TMEM131: variants seen among roughly 807,000 people sequenced by gnomAD.
The protein encoded by TMEM131 is 2610524E03Rik.
In TMEM131, 66 loss-of-function variants were observed where a neutral mutation model predicts 211.6. The observed-to-expected ratio is 0.31, with a 90% CI of 0.26 to 0.38. The LOEUF is 0.38. TMEM131 is among the 10% of genes least tolerant of loss of function. The pLI is 1.00. For synonymous variants in TMEM131, 844 were observed against 841.3 expected (o/e 1.00, Z -0.06); for missense variants, 2,036 against 2,299.3 (o/e 0.89, Z 2.34).
chr2:97,980,666 C>G (rs1262045566), intron 1 of TMEM131, among the ~76,000 whole-genome samples: 1 of 152,040 alleles, frequency 6.6e-6, no homozygotes, highest in Non-Finnish European at 1.5e-5. Context: ...TGCAAACAAC[C>G]CAAAATTTCA....
intron 4 of TMEM131, among the ~76,000 whole-genome samples, chr2:97,862,990 A>G (rs1189862154): frequency 1.3e-5 from 2 of 152,174 alleles, no homozygotes; most frequent in Non-Finnish European, 2.9e-5. Context: ...TTAACAAGAG[A>G]AAAGAAACAG....
rs1682472815 is a variant in TMEM131 at position 97,827,808 on chromosome 2, T to C, written c.1074+5557A>G. Reference sequence around the variant, plus strand: ...ATTGAATTATGGGAGGCTCTGATTGTCTCGGGTGTCAGCTTAACATTCCAT... The same window carrying C: ...ATTGAATTATGGGAGGCTCTGATTGCCTCGGGTGTCAGCTTAACATTCCAT... On this transcript the variant is annotated intron_variant, in intron 11 of 40. Coordinates refer to ENST00000186436, the MANE Select transcript of TMEM131 (RefSeq NM_015348.2). Among the ~76,000 whole-genome samples the C allele has an allele frequency of 2.0e-5, 3 of 152,322 alleles. No individual in the cohort carries two copies. The South Asian group carries it at 6.2e-4, about 32-fold the overall frequency.
At chr2:97,914,939 ATAC>A (rs1424720599) in intron 2 of TMEM131, among the ~76,000 whole-genome samples, 1 of 152,260 alleles carries the variant, frequency 6.6e-6, no homozygotes, top group African/African-American at 2.4e-5. Context: ...GTTTAGATTT[ATAC>A]GAAACTGCCA....
intron 5 of TMEM131, among the ~76,000 whole-genome samples, chr2:97,856,200 T>A (rs529640042): frequency 6.6e-6 from 1 of 152,268 alleles, no homozygotes; most frequent in African/African-American, 2.4e-5. Flanking sequence ...ATATTGCATA[T>A]TTTATGGCCT....
chr2:97,793,993 C>CAAAAAAAAA (rs1169823016), intron 29 of TMEM131, among the ~76,000 whole-genome samples: 2 of 54,444 alleles, frequency 3.7e-5, no homozygotes, highest in Admixed American at 3.1e-4. Context: ...GACTCTGTCT[C>CAAAAAAAAA]AAAAAAAAAA....
At chr2:97,770,297 C>G (rs926495233) in intron 33 of TMEM131, among the ~76,000 whole-genome samples, 3 of 152,180 alleles carry the variant, frequency 2.0e-5, no homozygotes, top group Admixed American at 2.0e-4. Flanking sequence ...TGACTCAATA[C>G]TTTCATCCTC....
intron 4 of TMEM131, among the ~76,000 whole-genome samples, chr2:97,860,982 T>G (rs1229858486): frequency 6.6e-6 from 1 of 152,106 alleles, no homozygotes; most frequent in Non-Finnish European, 1.5e-5. Context: ...GTCTGTGCAC[T>G]TGGGAGAGGG....
intron 3 of TMEM131, among the ~76,000 whole-genome samples, chr2:97,901,193 C>G (rs1675838490): frequency 6.6e-6 from 1 of 152,098 alleles, no homozygotes; most frequent in African/African-American, 2.4e-5. Context: ...ATATATAGGA[C>G]AGTGGGTAAA....
chr2:97,928,672 T>G (rs1331884757), intron 1 of TMEM131, among the ~76,000 whole-genome samples: 2 of 151,774 alleles, frequency 1.3e-5, no homozygotes, highest in Admixed American at 1.3e-4. Flanking sequence ...ACGCAATGTA[T>G]TCTAGTTAAT....
rs756044013 is a variant in TMEM131, at chr2:97,802,572, T to G, written c.2542-35A>C. 3.1e-6 allele frequency: 5 copies of G among 1,600,898 alleles called. No homozygotes were observed. The South Asian group carries it at 4.5e-5, about 14-fold the overall frequency. On this transcript the variant is annotated intron_variant, in intron 23 of 40. Coordinates refer to ENST00000186436, the MANE Select transcript of TMEM131 (RefSeq NM_015348.2). ...AATAATGAAACATTAAATGAAAGAT[T>G]TCTATAGTTAAAGCTAAGAGTAAAT...
chr2:97,921,661 G>A (rs1254358979), intron 2 of TMEM131, among the ~76,000 whole-genome samples: 1 of 152,114 alleles, frequency 6.6e-6, no homozygotes, highest in Non-Finnish European at 1.5e-5. Flanking sequence ...TACGGCTCCA[G>A]GAAAGATCTT....
At chr2:97,804,030 CAG>C (rs1386116913) in intron 22 of TMEM131, among the ~76,000 whole-genome samples, 4 of 151,586 alleles carry the variant, frequency 2.6e-5, no homozygotes, top group Admixed American at 6.6e-5. Context: ...CTTTTCATAG[CAG>C]AGAGTTCAGA....
intron 11 of TMEM131, among the ~76,000 whole-genome samples, chr2:97,824,098 G>T (rs1682259931): frequency 6.6e-6 from 1 of 152,178 alleles, no homozygotes; most frequent in South Asian, 2.1e-4. Flanking sequence ...ACCTGGTAGG[G>T]CTTGTTATCA....
At chr2:97,933,450 G>A (rs1456130149) in intron 1 of TMEM131, among the ~76,000 whole-genome samples, 1 of 152,110 alleles carries the variant, frequency 6.6e-6, no homozygotes, top group Non-Finnish European at 1.5e-5. Flanking sequence ...GTAGATTAGA[G>A]GTTACTGGGC....
At chr2:97,983,420 C>G (rs1459705993) in intron 1 of TMEM131, among the ~76,000 whole-genome samples, 1 of 152,126 alleles carries the variant, frequency 6.6e-6, no homozygotes, top group Non-Finnish European at 1.5e-5. Flanking sequence ...TCTTCAGGTC[C>G]CTTTTTGTCC....
intron 1 of TMEM131, among the ~76,000 whole-genome samples, chr2:97,980,331 T>C (rs532939922): frequency 8.5e-5 from 13 of 152,322 alleles, no homozygotes; most frequent in African/African-American, 3.1e-4. Flanking sequence ...GTAAACAGCA[T>C]ATTGGCTGTG....
intron 5 of TMEM131, among the ~76,000 whole-genome samples, chr2:97,848,472 T>C (rs1683548887): frequency 1.3e-5 from 2 of 152,254 alleles, no homozygotes; most frequent in Non-Finnish European, 2.9e-5. Flanking sequence ...CCTATCCTCC[T>C]GGCTATGCAC....
chr2:97,932,542 T>G (rs1324667942), intron 1 of TMEM131, among the ~76,000 whole-genome samples: 1 of 152,212 alleles, frequency 6.6e-6, no homozygotes, highest in Admixed American at 6.5e-5. Flanking sequence ...ATATATACCA[T>G]ACATCTAAAA....
At chr2:97,900,165 TG>T (rs1214046000) in intron 3 of TMEM131, among the ~76,000 whole-genome samples, 3 of 152,146 alleles carry the variant, frequency 2.0e-5, no homozygotes, top group Non-Finnish European at 4.4e-5. Context: ...GACTGAAAGC[TG>T]CAAGAGTATT....
Sources: allele counts gnomAD v4.1 joint callset (sites outside exome capture counted in the v4.1 genomes callset), GRCh38; gene constraint gnomAD v4.1.1; transcripts MANE v1.5; gene names NCBI Gene and HGNC (gene_info 2026-07-23, HGNC 2026-07-21).